The following KIAA1328 variants were observed in gnomAD, a reference collection of about 807,000 sequenced individuals.
The protein encoded by KIAA1328 is KIAA1328, also known as protein hinderin.
KIAA1328 carries 52 observed loss-of-function variants against 68.1 expected under a neutral mutation model. That is an observed-to-expected ratio of 0.76 (90% CI 0.61 to 0.96). KIAA1328 has a LOEUF of 0.96. Ranked by LOEUF, KIAA1328 falls within the 40% of genes least tolerant of loss-of-function variation. The pLI is 0.00. For synonymous variants in KIAA1328, 232 were observed against 239.4 expected (o/e 0.97, Z 0.28); for missense variants, 641 against 677.6 (o/e 0.95, Z 0.60).
chr18:37,017,335 T>TA (rs1390811914), intron 6 of KIAA1328, among the ~76,000 whole-genome samples: 3 of 152,176 alleles, frequency 2.0e-5, no homozygotes, highest in Non-Finnish European at 2.9e-5. Context: ...GTATGGTTGA[T>TA]ACGATTTCAA....
chr18:36,978,443 A>T (rs1002279439), intron 6 of KIAA1328, among the ~76,000 whole-genome samples: 2 of 152,220 alleles, frequency 1.3e-5, no homozygotes, highest in African/African-American at 2.4e-5. Flanking sequence ...ATCGGTTTGC[A>T]TATTGCCAGC....
chr18:36,914,268 A>G (rs1286561237), intron 5 of KIAA1328, among the ~76,000 whole-genome samples: 1 of 152,168 alleles, frequency 6.6e-6, no homozygotes, highest in Non-Finnish European at 1.5e-5. Flanking sequence ...TGTGTTCCAT[A>G]AGGGAAGGCG....
At chr18:36,858,908 C>G (rs900894529) in intron 4 of KIAA1328, among the ~76,000 whole-genome samples, 5 of 152,200 alleles carry the variant, frequency 3.3e-5, no homozygotes, top group African/African-American at 9.6e-5. Flanking sequence ...ACTTAAATCT[C>G]TGATCCATTT....
In KIAA1328 at chr18:37,223,150, C is replaced by G. The variant is rs2060594901; in HGVS notation, c.*923C>G. On this transcript the variant is annotated 3_prime_UTR_variant, in exon 10 of 10. Coordinates refer to ENST00000280020, the MANE Select transcript of KIAA1328 (RefSeq NM_020776.3). ...GAGAGTGATGCAAGCTGCTGCAAAGCTGATGGGCTTCCTCTGGCCCTCCCT... is the reference window on the plus strand; with the variant it reads ...GAGAGTGATGCAAGCTGCTGCAAAGGTGATGGGCTTCCTCTGGCCCTCCCT... The G allele has an allele frequency of 1.0e-6, 1 of 979,580 alleles. No homozygotes were observed. Among genetic ancestry groups the G allele is most frequent in the Non-Finnish European group, 1.2e-6 (1 of 829,260 alleles). 60.7% of individuals were successfully genotyped at this position (979,580 alleles called of 1,614,324 possible).
At position 36,867,696 on chromosome 18, in the gene KIAA1328, A is replaced by G. The variant is rs1039455728; in HGVS notation, c.333-17861A>G. ...GTTAGTATTTTTATGGGTACAATGT[A>G]TGAAAGAACAGTAAAGATGCCTATA... is the stretch of plus-strand genomic sequence containing the variant. On this transcript the variant is annotated intron_variant, in intron 4 of 9. Coordinates refer to ENST00000280020, the MANE Select transcript of KIAA1328 (RefSeq NM_020776.3). Among the ~76,000 whole-genome samples the G allele has an allele frequency of 1.8e-4, 28 of 152,330 alleles. No homozygotes were observed. In the South Asian group the frequency reaches 2.1e-3, roughly 11 times the overall value.
intron 4 of KIAA1328, among the ~76,000 whole-genome samples, chr18:36,849,523 G>T (rs1012149280): frequency 3.3e-5 from 5 of 151,994 alleles, no homozygotes; most frequent in African/African-American, 1.2e-4. Context: ...TAGAATATGG[G>T]GCCTATTCTG....
At chr18:37,064,626 G>A (rs1298792491) in intron 6 of KIAA1328, among the ~76,000 whole-genome samples, 1 of 148,862 alleles carries the variant, frequency 6.7e-6, no homozygotes, top group Non-Finnish European at 1.5e-5. Context: ...CTTTGCAGAT[G>A]TGATTAAGGC....
intron 6 of KIAA1328, among the ~76,000 whole-genome samples, chr18:37,034,687 A>T (rs776828981): frequency 2.5e-4 from 38 of 152,230 alleles, no homozygotes; most frequent in Non-Finnish European, 4.4e-4. Context: ...CTCTTAAATA[A>T]TAAAGAAATA....
intron 6 of KIAA1328, among the ~76,000 whole-genome samples, chr18:37,015,091 C>T (rs1042327778): frequency 1.3e-5 from 2 of 151,876 alleles, no homozygotes; most frequent in Non-Finnish European, 2.9e-5. Context: ...TTAGTAGAGT[C>T]GGGGTTTCAC....
At chr18:36,940,693 T>G (rs2050676205) in intron 5 of KIAA1328, among the ~76,000 whole-genome samples, 1 of 150,670 alleles carries the variant, frequency 6.6e-6, no homozygotes, top group Admixed American at 6.6e-5. Flanking sequence ...TTTTTTTTTT[T>G]TGAGACGGAG....
intron 6 of KIAA1328, among the ~76,000 whole-genome samples, chr18:37,040,996 A>T (rs1002632871): frequency 6.6e-6 from 1 of 151,790 alleles, no homozygotes; most frequent in African/African-American, 2.4e-5. Flanking sequence ...AGACTATTTT[A>T]TATGTTATTA....
chr18:36,895,296 G>A (rs2048833011), intron 5 of KIAA1328, among the ~76,000 whole-genome samples: 2 of 152,160 alleles, frequency 1.3e-5, no homozygotes, highest in Admixed American at 1.3e-4. Flanking sequence ...GAATGCAGGA[G>A]CATTTCAATG....
intron 7 of KIAA1328, among the ~76,000 whole-genome samples, chr18:37,121,640 A>G (rs1444921013): frequency 6.6e-6 from 1 of 152,160 alleles, no homozygotes; most frequent in Non-Finnish European, 1.5e-5. Flanking sequence ...ATTACTTTAT[A>G]TAATGACTGG....
intron 6 of KIAA1328, among the ~76,000 whole-genome samples, chr18:37,047,793 G>T (rs1269274003): frequency 6.6e-6 from 1 of 152,028 alleles, no homozygotes; most frequent in Non-Finnish European, 1.5e-5. Flanking sequence ...AAAATTTGAG[G>T]GCTGTGAGAG....
chr18:37,025,776 G>A (rs372803969), intron 6 of KIAA1328, among the ~76,000 whole-genome samples: 2 of 152,168 alleles, frequency 1.3e-5, no homozygotes, highest in Non-Finnish European at 2.9e-5. Context: ...AAGCAGGAAA[G>A]ATCTAAAATT....
chr18:36,995,081 T>A (rs985753212), intron 6 of KIAA1328, among the ~76,000 whole-genome samples: 1 of 152,078 alleles, frequency 6.6e-6, no homozygotes, highest in Non-Finnish European at 1.5e-5. Flanking sequence ...ACATTAGGTA[T>A]TTTTTCCTAA....
chr18:37,222,461 T>G lies in KIAA1328; in HGVS notation c.*234T>G. ...GGAATGGAAGATGGTATCTTTTATATGCTAAACAGATTAGAAAATTAACAT... is the reference window on the plus strand; with the variant it reads ...GGAATGGAAGATGGTATCTTTTATAGGCTAAACAGATTAGAAAATTAACAT... On this transcript the variant is annotated 3_prime_UTR_variant, in exon 10 of 10. Transcript: ENST00000280020. 1 of 1,353,700 alleles carries G rather than the reference T, an allele frequency of 7.4e-7. No individual in the cohort carries two copies. The highest frequency in any genetic ancestry group is 1.6e-5 in the South Asian group (1 of 61,100). 83.9% of individuals were successfully genotyped at this position (1,353,700 alleles called of 1,614,324 possible).
At chr18:37,051,311 G>A (rs897463159) in intron 6 of KIAA1328, among the ~76,000 whole-genome samples, 6 of 151,590 alleles carry the variant, frequency 4.0e-5, no homozygotes, top group African/African-American at 1.5e-4. Flanking sequence ...CCACTTGCTA[G>A]ATTAATAAGG....
intron 5 of KIAA1328, among the ~76,000 whole-genome samples, chr18:36,911,629 GA>G (rs2049454479): frequency 1.3e-5 from 2 of 152,080 alleles, no homozygotes; most frequent in Admixed American, 1.3e-4. Flanking sequence ...CAGACTCAGT[GA>G]AAAACATACT....
Sources: allele counts gnomAD v4.1 joint callset (sites outside exome capture counted in the v4.1 genomes callset), GRCh38; gene constraint gnomAD v4.1.1; transcripts MANE v1.5; gene names NCBI Gene and HGNC (gene_info 2026-07-23, HGNC 2026-07-21).